The following ZNF302 variants were observed in gnomAD, a reference collection of about 807,000 sequenced individuals.
ZNF302 encodes the protein zinc finger protein 327.
In ZNF302, 12 loss-of-function variants were observed where a neutral mutation model predicts 10.8. That is an observed-to-expected ratio of 1.11 (90% confidence interval 0.71 to 1.79). ZNF302 has a LOEUF of 1.79. ZNF302 is among the 40% of genes most tolerant of loss of function. ZNF302 has a pLI of 0.00. For missense variants in ZNF302, 461 were observed against 471.1 expected (o/e 0.98, Z 0.20); for synonymous variants, 178 against 157.5 (o/e 1.13, Z -0.98).
Position 34,684,680 on chromosome 19 carries a change from A to G in ZNF302, c.643A>G (p.Ile215Val), listed in dbSNP as rs372955458. The change falls in exon 5 of 5, where the codon ATC becomes GTC. Residue 215 changes from isoleucine (I) to valine (V), a missense_variant. Ile to Val is a conservative substitution (Grantham distance 29, BLOSUM62 3). Coordinates refer to ENST00000505242, the MANE Select transcript of ZNF302 (RefSeq NM_001289187.2). ...ECGKAFGKQS[I>V]LSRHWRIHTG... ...TGGGAAAGCCTTTGGCAAACAGTCAATCCTCAGTCGCCACTGGAGAATTCA... is the reference window on the plus strand; with the variant it reads ...TGGGAAAGCCTTTGGCAAACAGTCAGTCCTCAGTCGCCACTGGAGAATTCA... 9.3e-6 allele frequency: 15 copies of G among 1,613,878 alleles called. No homozygotes were observed. The African/African-American group carries it at 1.3e-4, about 14-fold the overall frequency.
chr19:34,677,041 T>C (rs2067980369), upstream of ZNF302: 1 of 151,834 alleles, frequency 6.6e-6, no homozygotes, highest in Non-Finnish European at 1.5e-5. Flanking sequence ...GAACGGCCAT[T>C]AGTGTCACAG....
At chr19:34,677,579 AGT>A (rs2068020333), upstream of ZNF302, 2 of 152,240 alleles carry the variant, frequency 1.3e-5, no homozygotes, top group Non-Finnish European at 2.9e-5. Flanking sequence ...ACCCTTGGGA[AGT>A]GTGGTCTTCG....
chr19:34,679,849 C>G, intron 2 of ZNF302: 1 of 702,836 alleles, frequency 1.4e-6, no homozygotes, highest in Non-Finnish European at 2.6e-6. Context: ...AGAGTGTTAC[C>G]TGGCACCAAA....
intron 2 of ZNF302, among the ~76,000 whole-genome samples, chr19:34,680,622 C>T (rs1257518527): frequency 2.6e-5 from 4 of 152,162 alleles, no homozygotes; most frequent in Non-Finnish European, 5.9e-5. Context: ...CTTTTGGGAA[C>T]TGAGATGAGT....
Position 34,684,341 on chromosome 19 carries a change from G to A in ZNF302, c.304G>A (p.Val102Ile). Reference protein sequence around the residue: ...DSPQPVTMEKVVKQSYEFSNS... With the variant: ...DSPQPVTMEKIVKQSYEFSNS... ...ACCCCAACCAGTAACAATGGAAAAA[G>A]TTGTAAAACAAAGTTATGAATTTTC... Residue 102 changes from valine (V) to isoleucine (I), a missense_variant, in exon 5 of 5, where the codon GTT (valine) becomes ATT (isoleucine). By Grantham distance (29) the Val-to-Ile change is conservative. Coordinates refer to ENST00000505242, the MANE Select transcript of ZNF302 (RefSeq NM_001289187.2). 3 of 1,600,212 alleles carry A rather than the reference G, an allele frequency of 1.9e-6. No homozygotes were observed. Among genetic ancestry groups the A allele is most frequent in the Non-Finnish European group, 2.6e-6 (3 of 1,175,436 alleles).
rs1159143430 is a variant in ZNF302, at chr19:34,684,084, T to C, written c.215-168T>C. 4 of 1,525,008 alleles carry C rather than the reference T, an allele frequency of 2.6e-6. No individual in the cohort carries two copies. In the African/African-American group the frequency reaches 4.2e-5, roughly 16 times the overall value. The allele number at this position is 1,525,008 out of a possible 1,614,324, so 94.5% of individuals were successfully genotyped here. ...GCATTGTTCAGAAGTCACTGAAATA[T>C]TTGAGTTGTCAGAACTATGTGTTTT... On this transcript the variant is annotated intron_variant, in intron 4 of 4. Transcript: ENST00000505242.
At chr19:34,679,476 ACCTCCCTGATC>A (rs2068219511) in intron 2 of ZNF302, among the ~76,000 whole-genome samples, 1 of 152,084 alleles carries the variant, frequency 6.6e-6, no homozygotes, top group South Asian at 2.1e-4. Context: ...TTAGGCCATT[ACCTCCCTGATC>A]CCACCTTCCT....
At chr19:34,681,771 TG>T (rs1268403425) in intron 2 of ZNF302, 15 of 152,330 alleles carry the variant, frequency 9.8e-5, no homozygotes, top group Admixed American at 9.2e-4. Flanking sequence ...TACCAGTCCG[TG>T]GCCCAGGTGT....
At chr19:34,679,520 C>T (rs73043954) in intron 2 of ZNF302, among the ~76,000 whole-genome samples, 3,921 of 152,318 alleles carry the variant, frequency 0.026, 68 homozygotes, top group Non-Finnish European at 0.041. Context: ...CATTCCTGTG[C>T]GCTCCAGCCT....
In ZNF302 at chr19:34,685,297, T is replaced by C. The variant is rs1425123129; in HGVS notation, c.*60T>C. On this transcript the variant is annotated 3_prime_UTR_variant, in exon 5 of 5. Transcript: ENST00000505242. ...TGAATATGCATTTGAGAAATCACAT[T>C]AGATTGAAACCCTACGAATGCAGTA... is the stretch of plus-strand genomic sequence containing the variant. The C allele has an allele frequency of 6.2e-7, 1 of 1,613,828 alleles. No homozygotes were observed. The highest frequency in any genetic ancestry group is 1.7e-5 in the Admixed American group (1 of 59,972).
chr19:34,680,770 C>CA (rs1220098414), intron 2 of ZNF302, among the ~76,000 whole-genome samples: 1 of 152,148 alleles, frequency 6.6e-6, no homozygotes, highest in Non-Finnish European at 1.5e-5. Flanking sequence ...GTGGCAACTC[C>CA]AATTAACAGG....
Position 34,685,857 on chromosome 19 carries a change from T to G in ZNF302, c.*620T>G. 3.8e-6 allele frequency: 1 copy of G among 263,472 alleles called. No homozygotes were observed. The highest frequency in any genetic ancestry group is 4.8e-5 in the Admixed American group (1 of 20,870). 16.3% of individuals were successfully genotyped at this position (263,472 alleles called of 1,614,324 possible). A position where few individuals can be genotyped will look rare whatever the true frequency, so the allele number is the denominator to read the frequency against. On this transcript the variant is annotated 3_prime_UTR_variant, in exon 5 of 5. Transcript: ENST00000505242. Reference sequence around the variant, plus strand: ...AATCCCTTAATTGACCTAAGTATACTCACACTAGGAAAAATCTGTGTACAT... The same window carrying G: ...AATCCCTTAATTGACCTAAGTATACGCACACTAGGAAAAATCTGTGTACAT...
chr19:34,684,503 T>G lies in ZNF302; in HGVS notation c.466T>G (p.Leu156Val). 1 of 1,612,302 alleles carries G rather than the reference T, an allele frequency of 6.2e-7. No individual in the cohort carries two copies. Residue 156 changes from leucine (L) to valine (V), a missense_variant, in exon 5 of 5, where the codon TTA becomes GTA. Coordinates refer to ENST00000505242, the MANE Select transcript of ZNF302 (RefSeq NM_001289187.2). ...SHKYDILKKNLSKKSVIKSER... is the reference protein window; with the variant it reads ...SHKYDILKKNVSKKSVIKSER... ...CAAATATGATATATTAAAGAAGAAT[T>G]TATCAAAAAAGTCAGTTATAAAAAG...
chr19:34,683,990 A>G, intron 4 of ZNF302: 1 of 1,427,500 alleles, frequency 7.0e-7, no homozygotes, highest in East Asian at 2.6e-5. Context: ...CATTTCGTAC[A>G]GCTTACCCAT....
At chr19:34,679,807 C>T in intron 2 of ZNF302, 1 of 697,558 alleles carries the variant, frequency 1.4e-6, no homozygotes, top group Admixed American at 2.0e-5. Flanking sequence ...AATGCTTTTT[C>T]TTCTTTGTTG....
rs751797810 is a variant in ZNF302, at chr19:34,682,798, A to G, written c.31A>G (p.Ile11Val). Residue 11 changes from isoleucine to valine, a missense_variant, in exon 3 of 5, where the codon ATA becomes GTA. By Grantham distance (29) the Ile-to-Val change is conservative (BLOSUM62 3). Transcript: ENST00000505242. The part of the protein sequence containing the change: MSQVTFSDVA[I>V]DFSHEEWACL... ...TCAGGTGACATTTAGTGATGTGGCTATAGACTTCTCTCATGAAGAGTGGGC... is the reference window on the plus strand; with the variant it reads ...TCAGGTGACATTTAGTGATGTGGCTGTAGACTTCTCTCATGAAGAGTGGGC... 5.0e-6 allele frequency: 8 copies of G among 1,613,554 alleles called. No individual in the cohort carries two copies. The highest frequency in any genetic ancestry group is 6.8e-6 in the Non-Finnish European group (8 of 1,179,652).
chr19:34,683,900 G>T, intron 4 of ZNF302: 1 of 1,082,284 alleles, frequency 9.2e-7, no homozygotes, highest in Non-Finnish European at 1.2e-6. Context: ...ATGAATATAG[G>T]CACAAAATGA....
chr19:34,676,185 A>C (rs1349297366), upstream of ZNF302: 1 of 152,174 alleles, frequency 6.6e-6, no homozygotes, highest in Non-Finnish European at 1.5e-5. Context: ...GTGCATTTAC[A>C]AACCTTTAGC....
upstream of ZNF302, chr19:34,677,631 A>T (rs1226110013): frequency 2.0e-5 from 3 of 152,302 alleles, no homozygotes; most frequent in African/African-American, 4.8e-5. Flanking sequence ...TTTGTACCGC[A>T]GGGGGAGGAT....
Sources: allele counts gnomAD v4.1 joint callset (sites outside exome capture counted in the v4.1 genomes callset), GRCh38; gene constraint gnomAD v4.1.1; transcripts MANE v1.5; gene names NCBI Gene and HGNC (gene_info 2026-07-23, HGNC 2026-07-21).